Variants in ESRRG observed in about 807,000 individuals in gnomAD.
The protein encoded by ESRRG is estrogen related receptor gamma.
ESRRG carries 13 observed loss-of-function variants against 44.0 expected under a neutral mutation model. The ratio of observed to expected loss-of-function variants is 0.30; its 90% CI spans 0.19 to 0.47. The LOEUF (loss-of-function observed/expected upper bound fraction) is 0.47, where lower values mean the gene tolerates loss of function less well. Ranked by LOEUF, ESRRG falls within the 20% of genes least tolerant of loss-of-function variation. ESRRG has a pLI of 1.00. For synonymous variants in ESRRG, 215 were observed against 214.6 expected (o/e 1.00, Z -0.02); for missense variants, 395 against 580.6 (o/e 0.68, Z 3.29).
intron 2 of ESRRG, among the ~76,000 whole-genome samples, chr1:216,927,383 G>A (rs140390921): frequency 1.0e-3 from 155 of 152,284 alleles, no homozygotes; most frequent in Middle Eastern, 3.4e-3. Context: ...GAAGGGCAAG[G>A]GTTAAGTAGA....
intron 5 of ESRRG, among the ~76,000 whole-genome samples, chr1:216,553,125 A>T (rs1365284984): frequency 6.6e-6 from 1 of 151,762 alleles, no homozygotes; most frequent in Non-Finnish European, 1.5e-5. Context: ...TTTTTTCCTA[A>T]AATGCTGACC....
chr1:217,112,153 C>T (rs770502067), intron 1 of ESRRG, among the ~76,000 whole-genome samples: 1 of 152,174 alleles, frequency 6.6e-6, no homozygotes, highest in Non-Finnish European at 1.5e-5. Flanking sequence ...CAAGAACTAT[C>T]CAGCCAAACA....
intron 2 of ESRRG, among the ~76,000 whole-genome samples, chr1:216,796,810 A>G (rs2094481196): frequency 6.6e-6 from 1 of 152,082 alleles, no homozygotes; most frequent in Non-Finnish European, 1.5e-5. Context: ...TGCTTCTATG[A>G]CACTCTTTCC....
chr1:217,085,923 G>A (rs1017986789), intron 1 of ESRRG, among the ~76,000 whole-genome samples: 1 of 152,152 alleles, frequency 6.6e-6, no homozygotes, highest in African/African-American at 2.4e-5. Context: ...TGGGATGGCA[G>A]TGCCAACCTA....
intron 5 of ESRRG, among the ~76,000 whole-genome samples, chr1:216,520,720 C>T (rs1445445318): frequency 6.6e-6 from 1 of 152,130 alleles, no homozygotes; most frequent in East Asian, 1.9e-4. Context: ...ATTTAAGGTC[C>T]TGCCACCAGT....
In ESRRG at chr1:216,667,150, G is replaced by A. The variant is rs950353991; in HGVS notation, c.472+9926C>T. ...TTCCATCCACGCTACTCCGTCCGAG[G>A]ACACTAGCTCAGGAGATCTATAGGG... On this transcript the variant is annotated intron_variant, in intron 2 of 6. Transcript: ENST00000408911. Among the ~76,000 whole-genome samples the A allele has an allele frequency of 2.6e-5, 4 of 152,180 alleles. No individual in the cohort carries two copies. In the East Asian group the frequency reaches 7.7e-4, roughly 29 times the overall value.
At chr1:216,771,483 T>C (rs1318677455) in intron 2 of ESRRG, among the ~76,000 whole-genome samples, 1 of 152,162 alleles carries the variant, frequency 6.6e-6, no homozygotes, top group South Asian at 2.1e-4. Flanking sequence ...TTCTAGTGTA[T>C]TCTAATGGTG....
At chr1:216,786,217 T>A (rs534664233) in intron 2 of ESRRG, among the ~76,000 whole-genome samples, 2 of 152,122 alleles carry the variant, frequency 1.3e-5, no homozygotes, top group Non-Finnish European at 2.9e-5. Context: ...TAGAGATTCA[T>A]GTGCTGCAAG....
chr1:216,618,550 G>A (rs1052187259), intron 3 of ESRRG, among the ~76,000 whole-genome samples: 3 of 152,052 alleles, frequency 2.0e-5, no homozygotes, highest in African/African-American at 4.8e-5. Context: ...TCAGACATCC[G>A]TATGTATACA....
At chr1:217,011,304 C>T (rs967367414) in intron 1 of ESRRG, among the ~76,000 whole-genome samples, 4 of 152,058 alleles carry the variant, frequency 2.6e-5, no homozygotes, top group Non-Finnish European at 2.9e-5. Flanking sequence ...AAAGGAAGTC[C>T]CAAGTGAAAT....
In ESRRG at chr1:217,116,865, A is replaced by G. The variant is rs1359210602; in HGVS notation, c.-230+20802T>C. Among the ~76,000 whole-genome samples, 3 of 152,202 alleles carry G rather than the reference A, an allele frequency of 2.0e-5. No individual in the cohort carries two copies. The East Asian group carries it at 5.8e-4, about 29-fold the overall frequency. On this transcript the variant is annotated intron_variant, in intron 1 of 8. Coordinates refer to the ESRRG transcript ENST00000366940. The stretch of plus-strand genomic sequence containing the variant: ...AAGAATCTCTACTATTAAAGGATTG[A>G]GGATAAATTTAAACATTTAGAACCT...
chr1:216,925,668 C>T (rs1418776173), intron 2 of ESRRG, among the ~76,000 whole-genome samples: 1 of 151,246 alleles, frequency 6.6e-6, no homozygotes, highest in Non-Finnish European at 1.5e-5. Context: ...TGGGTCTGCT[C>T]GGCTGGGTGT....
At chr1:217,122,905 G>A (rs1375795729) in intron 1 of ESRRG, among the ~76,000 whole-genome samples, 2 of 151,210 alleles carry the variant, frequency 1.3e-5, no homozygotes, top group African/African-American at 4.9e-5. Context: ...GGCTGGTCTC[G>A]AACTCCCGAC....
intron 1 of ESRRG, among the ~76,000 whole-genome samples, chr1:216,979,670 T>C (rs1025650): frequency 0.47 from 70,790 of 151,828 alleles, 17,864 homozygotes; most frequent in East Asian, 0.73. Flanking sequence ...CCGTAACTCA[T>C]AGGAATGTTA....
chr1:216,679,144 A>G (rs2076593388), intron 1 of ESRRG, among the ~76,000 whole-genome samples: 1 of 152,210 alleles, frequency 6.6e-6, no homozygotes, highest in African/African-American at 2.4e-5. Flanking sequence ...AAAGCCACGA[A>G]AATATCTTCG....
At chr1:216,695,649 G>T (rs1559273974) in intron 1 of ESRRG, among the ~76,000 whole-genome samples, 1 of 152,114 alleles carries the variant, frequency 6.6e-6, no homozygotes, top group Non-Finnish European at 1.5e-5. Context: ...GTAAATGAAT[G>T]AATTACAAAG....
At chr1:216,709,394 T>C (rs957326111) in intron 1 of ESRRG, among the ~76,000 whole-genome samples, 26 of 151,016 alleles carry the variant, frequency 1.7e-4, no homozygotes, top group African/African-American at 9.8e-5. Flanking sequence ...ATTGTTATTT[T>C]CTTATTTCAG....
intron 2 of ESRRG, among the ~76,000 whole-genome samples, chr1:216,904,693 C>T (rs958428527): frequency 2.6e-5 from 4 of 152,118 alleles, no homozygotes; most frequent in Admixed American, 6.6e-5. Flanking sequence ...AACAACTCCC[C>T]GGCTGTGGCG....
At chr1:217,014,592 G>A (rs1286917232) in intron 1 of ESRRG, among the ~76,000 whole-genome samples, 7 of 152,024 alleles carry the variant, frequency 4.6e-5, no homozygotes, top group African/African-American at 9.7e-5. Context: ...GTAATAAAAG[G>A]CATCCAACAG....
Sources: allele counts gnomAD v4.1 joint callset (sites outside exome capture counted in the v4.1 genomes callset), GRCh38; gene constraint gnomAD v4.1.1; transcripts MANE v1.5; gene names NCBI Gene and HGNC (gene_info 2026-07-23, HGNC 2026-07-21).